ZNF704: variants seen among roughly 807,000 people sequenced by gnomAD.
ZNF704 encodes glucocorticoid induced gene 1.
ZNF704 carries 10 observed loss-of-function variants against 44.7 expected under a neutral mutation model. The observed-to-expected ratio is 0.22, with a 90% confidence interval of 0.14 to 0.38. The LOEUF (loss-of-function observed/expected upper bound fraction) is 0.38, where lower values mean the gene tolerates loss of function less well. ZNF704 is among the 10% of genes least tolerant of loss of function. The probability of loss-of-function intolerance (pLI) is 1.00; values close to 1 mark genes in which losing one functional copy is unlikely to be tolerated. For synonymous variants in ZNF704, 211 were observed against 207.6 expected (o/e 1.02, Z -0.14); for missense variants, 390 against 545.5 (o/e 0.71, Z 2.84).
chr8:80,668,288 T>C (rs1029296034), intron 5 of ZNF704, among the ~76,000 whole-genome samples: 1 of 152,220 alleles, frequency 6.6e-6, no homozygotes, highest in Admixed American at 6.5e-5. Context: ...TCCCCACTAA[T>C]GAGCCCTGCA....
intron 1 of ZNF704, among the ~76,000 whole-genome samples, chr8:80,866,274 A>G (rs1242783071): frequency 6.6e-6 from 1 of 152,190 alleles, no homozygotes; most frequent in African/African-American, 2.4e-5. Flanking sequence ...AAGCGACTTC[A>G]TACCTCTTTA....
chr8:80,836,877 G>C (rs182649912), intron 1 of ZNF704, among the ~76,000 whole-genome samples: 1 of 152,144 alleles, frequency 6.6e-6, no homozygotes, highest in East Asian at 1.9e-4. Context: ...CTTACAAACT[G>C]CATAATTATT....
At chr8:80,721,615 A>G (rs1322781714) in intron 2 of ZNF704, among the ~76,000 whole-genome samples, 3 of 152,234 alleles carry the variant, frequency 2.0e-5, no homozygotes, top group African/African-American at 7.2e-5. Flanking sequence ...GAGTTCCTTA[A>G]AACTTTTTAA....
At chr8:80,866,951 G>C (rs1031714021) in intron 1 of ZNF704, among the ~76,000 whole-genome samples, 1 of 152,022 alleles carries the variant, frequency 6.6e-6, no homozygotes, top group Non-Finnish European at 1.5e-5. Flanking sequence ...TTCAGGGTAG[G>C]GCTTGACTTC....
intron 2 of ZNF704, among the ~76,000 whole-genome samples, chr8:80,721,809 C>T (rs1019448296): frequency 7.2e-5 from 11 of 152,094 alleles, no homozygotes; most frequent in African/African-American, 2.7e-4. Flanking sequence ...ACCAAAAAAG[C>T]TATTAAAGAG....
In ZNF704 at chr8:80,636,958, T is replaced by C. The variant is rs1473599195; in HGVS notation, c.*4408A>G. 6.6e-6 allele frequency: 1 copy of C among 152,210 alleles called. No individual in the cohort carries two copies. The highest frequency in any genetic ancestry group is 1.5e-5 in the Non-Finnish European group (1 of 68,040). 9.4% of individuals were successfully genotyped at this position (152,210 alleles called of 1,614,324 possible). On this transcript the variant is annotated 3_prime_UTR_variant, in exon 9 of 9. Transcript: ENST00000327835. ...CTGATAGCTAATAAACAGTCATCCA[T>C]TGGGTAATGATAAAAAGGACCAGCA... is the stretch of plus-strand genomic sequence containing the variant.
intron 1 of ZNF704, among the ~76,000 whole-genome samples, chr8:80,870,879 T>G (rs552787485): frequency 6.6e-6 from 1 of 152,172 alleles, no homozygotes; most frequent in Non-Finnish European, 1.5e-5. Context: ...GGTTGTCCAA[T>G]AGTCATCTCA....
intron 2 of ZNF704, chr8:80,814,409 G>C (rs1808142187): frequency 6.6e-6 from 1 of 152,170 alleles, no homozygotes; most frequent in African/African-American, 2.4e-5. Context: ...CCATCTCCAT[G>C]ACTATACTTG....
At chr8:80,826,127 A>G (rs189698858) in intron 1 of ZNF704, among the ~76,000 whole-genome samples, 3 of 152,214 alleles carry the variant, frequency 2.0e-5, no homozygotes, top group Non-Finnish European at 4.4e-5. Context: ...AAAAAAATCA[A>G]TGAATCCAGG....
Position 80,635,483 on chromosome 8 carries a change from G to A in ZNF704, c.*5883C>T, listed in dbSNP as rs1268557539. 1 of 152,032 alleles carries A rather than the reference G, an allele frequency of 6.6e-6. No homozygotes were observed. Among genetic ancestry groups the A allele is most frequent in the Non-Finnish European group, 1.5e-5 (1 of 68,000 alleles). The allele number at this position is 152,032 out of a possible 1,614,324, so 9.4% of individuals were successfully genotyped here. A position where few individuals can be genotyped will look rare whatever the true frequency, so the allele number is the denominator to read the frequency against. ...ATTACAGTTATATAGTTAGTGCTGAGGACAAAATTATTTTAAACACTACTG... is the reference window on the plus strand; with the variant it reads ...ATTACAGTTATATAGTTAGTGCTGAAGACAAAATTATTTTAAACACTACTG... On this transcript the variant is annotated 3_prime_UTR_variant, in exon 9 of 9. Transcript: ENST00000327835.
chr8:80,799,636 A>G (rs1168425160), intron 2 of ZNF704, among the ~76,000 whole-genome samples: 1 of 152,074 alleles, frequency 6.6e-6, no homozygotes, highest in Non-Finnish European at 1.5e-5. Context: ...AACAAAAAAG[A>G]CCCCACAAAA....
chr8:80,711,172 A>C (rs991823648), intron 2 of ZNF704, among the ~76,000 whole-genome samples: 2 of 152,198 alleles, frequency 1.3e-5, no homozygotes, highest in African/African-American at 4.8e-5. Flanking sequence ...ACTTCCAGCC[A>C]TAATTGTTTC....
chr8:80,634,820 G>A lies in ZNF704; in HGVS notation c.*6546C>T, dbSNP rs917929688. 7.9e-5 allele frequency: 12 copies of A among 152,148 alleles called. No homozygotes were observed. The highest frequency in any genetic ancestry group is 2.9e-4 in the African/African-American group (12 of 41,422). 9.4% of individuals were successfully genotyped at this position (152,148 alleles called of 1,614,324 possible). A position where few individuals can be genotyped will look rare whatever the true frequency, so the allele number is the denominator to read the frequency against. ...TCCTATATAGAATTAGGAATCTTTT[G>A]GAAATGAGACTCATTGGGTTCAAAA... is the stretch of plus-strand genomic sequence containing the variant. On this transcript the variant is annotated 3_prime_UTR_variant, in exon 9 of 9. Coordinates refer to ENST00000327835, the MANE Select transcript of ZNF704 (RefSeq NM_001033723.3).
chr8:80,672,453 A>C (rs1324825325), intron 4 of ZNF704, among the ~76,000 whole-genome samples: 1 of 152,232 alleles, frequency 6.6e-6, no homozygotes, highest in Admixed American at 6.5e-5. Context: ...TTCTACCAAA[A>C]AGACCCATGT....
intron 2 of ZNF704, among the ~76,000 whole-genome samples, chr8:80,741,654 C>T (rs893893695): frequency 2.5e-4 from 38 of 152,296 alleles, no homozygotes; most frequent in African/African-American, 8.9e-4. Context: ...CGCACTTGTG[C>T]AACTCTTAAC....
intron 7 of ZNF704, among the ~76,000 whole-genome samples, chr8:80,657,003 A>G (rs1239611442): frequency 6.6e-6 from 1 of 152,116 alleles, no homozygotes; most frequent in Non-Finnish European, 1.5e-5. Flanking sequence ...AGAGGGTAAG[A>G]ATTCACGTTT....
chr8:80,838,366 A>G (rs948328890), intron 1 of ZNF704, among the ~76,000 whole-genome samples: 1 of 152,146 alleles, frequency 6.6e-6, no homozygotes, highest in African/African-American at 2.4e-5. Context: ...AAAAATATAT[A>G]TTACACAATT....
chr8:80,769,740 C>G (rs139913983), intron 2 of ZNF704, among the ~76,000 whole-genome samples: 1 of 152,322 alleles, frequency 6.6e-6, no homozygotes, highest in East Asian at 1.9e-4. Context: ...CCCACATTTT[C>G]TGTCTTCTTC....
In ZNF704 at chr8:80,865,484, G is replaced by A. The variant is rs1009938167; in HGVS notation, c.-22+9087C>T. ...CTGTTCTCTCCCATCTCACTGATGC[G>A]CCAACAATGAGGGTCACATTTATGA... On this transcript the variant is annotated intron_variant, in intron 1 of 8. Transcript: ENST00000327835. Among the ~76,000 whole-genome samples, 3 of 152,192 alleles carry A rather than the reference G, an allele frequency of 2.0e-5. No individual in the cohort carries two copies. In the East Asian group the frequency reaches 5.8e-4, roughly 29 times the overall value.
Sources: gnomAD v4.1 joint callset for allele counts (sites outside exome capture counted in the v4.1 genomes callset) on GRCh38, gnomAD v4.1.1 for gene constraint, MANE v1.5 for transcripts, NCBI Gene and HGNC (gene_info 2026-07-23, HGNC 2026-07-21) for gene names.